The following RFT1 variants were observed in gnomAD, a reference collection of about 807,000 sequenced individuals.
RFT1 encodes the protein RFT1 glycolipid translocator homolog.
Under a neutral mutation model 62.2 loss-of-function variants are expected in RFT1, and 43 were observed. That is an observed-to-expected ratio of 0.69 (90% CI 0.54 to 0.89). The LOEUF (loss-of-function observed/expected upper bound fraction) is 0.89, where lower values mean the gene tolerates loss of function less well. Ranked by LOEUF, RFT1 falls within the 40% of genes least tolerant of loss-of-function variation. The pLI is 0.00. For missense variants in RFT1, 605 were observed against 649.9 expected (o/e 0.93, Z 0.75); for synonymous variants, 262 against 264.6 (o/e 0.99, Z 0.10).
chr3:53,100,435 T>C (rs1195436821), intron 10 of RFT1, among the ~76,000 whole-genome samples: 1 of 152,196 alleles, frequency 6.6e-6, no homozygotes, highest in Non-Finnish European at 1.5e-5. Context: ...CCCCTAGGTA[T>C]ATATCCAACA....
chr3:53,091,845 A>G lies in RFT1; in HGVS notation c.*58T>C. On this transcript the variant is annotated 3_prime_UTR_variant, in exon 13 of 13. Transcript: ENST00000296292. ...GGGGCTCTTACACAGAATGTGTTCC[A>G]CCCACAGAACTACCCATAGCTGGTC... 1 of 1,576,222 alleles carries G rather than the reference A, an allele frequency of 6.3e-7. No individual in the cohort carries two copies. The highest frequency in any genetic ancestry group is 1.1e-5 in the South Asian group (1 of 90,052).
chr3:53,115,951 A>G (rs911337574), intron 6 of RFT1, among the ~76,000 whole-genome samples: 3 of 152,270 alleles, frequency 2.0e-5, no homozygotes, highest in Non-Finnish European at 2.9e-5. Context: ...ATAATGTTTA[A>G]TACATGCTTG....
At chr3:53,082,047 G>C in the RFT1 span, among the ~76,000 whole-genome samples, 1 of 152,138 alleles carries the variant, frequency 6.6e-6, no homozygotes, top group Non-Finnish European at 1.5e-5. Flanking sequence ...GGGCTCCAGT[G>C]ATCTTCCCGC....
At chr3:53,108,861 G>A (rs1336988964) in intron 7 of RFT1, among the ~76,000 whole-genome samples, 1 of 151,908 alleles carries the variant, frequency 6.6e-6, no homozygotes, top group Non-Finnish European at 1.5e-5. Context: ...TAGAGATGGG[G>A]TTTCACTGTG....
In RFT1 at chr3:53,102,792, G is replaced by A. The variant is rs557609994; in HGVS notation, c.1102+1161C>T. ...ACACAACTGGGGACAGCAGTGTTGC[G>A]AGTTCCACTTTCAAAACTAAGATGA... On this transcript the variant is annotated intron_variant, in intron 10 of 12. Transcript: ENST00000296292. 1.5e-3 allele frequency among the ~76,000 whole-genome samples: 231 copies of A among 152,290 alleles called. 2 individuals carry two copies. The highest frequency in any genetic ancestry group is 5.4e-3 in the African/African-American group (226 of 41,554).
At chr3:53,076,450 CAG>C in the RFT1 span, among the ~76,000 whole-genome samples, 1 of 152,070 alleles carries the variant, frequency 6.6e-6, no homozygotes, top group Non-Finnish European at 1.5e-5. Context: ...ATAAAAAAGA[CAG>C]ATAATTATAG....
At chr3:53,129,708 C>T (rs933542119) in intron 1 of RFT1, among the ~76,000 whole-genome samples, 6 of 152,166 alleles carry the variant, frequency 3.9e-5, no homozygotes. Flanking sequence ...ATCACATAAA[C>T]AGAAGATGCA....
intron 1 of RFT1, 146 bp downstream of exon 1, chr3:53,130,192 G>A (rs948898065): frequency 2.5e-6 from 2 of 808,996 alleles, no homozygotes; most frequent in Non-Finnish European, 4.2e-6. Flanking sequence ...CAATGCCACC[G>A]TCTCCGGTCG....
At chr3:53,122,679 A>G in intron 3 of RFT1, 116 bp from the exon 4 acceptor site, 1 of 573,682 alleles carries the variant, frequency 1.7e-6, no homozygotes, top group Non-Finnish European at 2.6e-6. Flanking sequence ...CCATTTATTT[A>G]TAAGATACTA....
the RFT1 span, among the ~76,000 whole-genome samples, chr3:53,070,230 A>G: frequency 1.3e-5 from 2 of 152,024 alleles, no homozygotes; most frequent in Non-Finnish European, 2.9e-5. Flanking sequence ...AGTGTGGACA[A>G]CATAGTGAGA....
intron 7 of RFT1, among the ~76,000 whole-genome samples, chr3:53,111,112 AT>A (rs1191014348): frequency 2.6e-5 from 4 of 152,218 alleles, no homozygotes; most frequent in Admixed American, 2.6e-4. Flanking sequence ...ATATAAATAA[AT>A]GATATAAAAT....
At position 53,103,251 on chromosome 3, in the gene RFT1, G is replaced by A. The variant is rs1326131852; in HGVS notation, c.1102+702C>T. 11 of 985,388 alleles carry A rather than the reference G, an allele frequency of 1.1e-5. No homozygotes were observed. The South Asian group carries it at 4.2e-4, about 38-fold the overall frequency. The allele number at this position is 985,388 out of a possible 1,614,324, so 61.0% of individuals were successfully genotyped here. On this transcript the variant is annotated intron_variant, in intron 10 of 12. Transcript: ENST00000296292. Reference sequence around the variant, plus strand: ...GGGGCAGCAGAAAGAAGTCCTCAGCGTTCTTGTCCAGCGACCTGAGAAATT... The same window carrying A: ...GGGGCAGCAGAAAGAAGTCCTCAGCATTCTTGTCCAGCGACCTGAGAAATT...
At chr3:53,114,628 C>T (rs985860451) in intron 6 of RFT1, among the ~76,000 whole-genome samples, 3 of 152,010 alleles carry the variant, frequency 2.0e-5, no homozygotes, top group Non-Finnish European at 2.9e-5. Flanking sequence ...TCACTTGGGG[C>T]GGTCAAAAGA....
chr3:53,102,703 C>G (rs1431125618), intron 10 of RFT1, among the ~76,000 whole-genome samples: 1 of 152,236 alleles, frequency 6.6e-6, no homozygotes, highest in Non-Finnish European at 1.5e-5. Flanking sequence ...AGTCCCACAT[C>G]TGGAGATGGC....
In RFT1 at chr3:53,120,003, G is replaced by T. The variant is rs35728451; in HGVS notation, c.577C>A (p.Leu193Met). ...AAATAAATAACATAGCAGAGCACCA[G>T]AACTGTGGTATAGAAAAGCTGAGAA... ...SLAQLFYTTV[L>M]VLCYVIYFTK... The change falls in exon 6 of 13, where the codon CTG becomes ATG. Residue 193 changes from leucine (L) to methionine (M), a missense_variant. Physicochemically the swap from Leu to Met is conservative, Grantham distance 15. Coordinates refer to ENST00000296292, the MANE Select transcript of RFT1 (RefSeq NM_052859.4). 1 of 1,601,036 alleles carries T rather than the reference G, an allele frequency of 6.2e-7. No homozygotes were observed. The highest frequency in any genetic ancestry group is 1.1e-5 in the South Asian group (1 of 88,472).
chr3:53,099,286 T>C (rs1701241881), intron 11 of RFT1, 95 bp downstream of exon 11: 1 of 994,270 alleles, frequency 1.0e-6, no homozygotes, highest in Non-Finnish European at 1.6e-6. Context: ...CAGCCATCTG[T>C]AAATGCATGT....
intron 11 of RFT1, among the ~76,000 whole-genome samples, chr3:53,094,432 C>T (rs1264424209): frequency 6.6e-6 from 1 of 151,922 alleles, no homozygotes; most frequent in African/African-American, 2.4e-5. Context: ...GTGCTTTCAT[C>T]CGGAGTTCCA....
chr3:53,081,408 T>C, the RFT1 span, among the ~76,000 whole-genome samples: 1 of 152,104 alleles, frequency 6.6e-6, no homozygotes, highest in Non-Finnish European at 1.5e-5. Context: ...GGGAGAGAAC[T>C]ACCTCGGCAC....
chr3:53,070,397 T>TG, the RFT1 span, among the ~76,000 whole-genome samples: 1 of 132,358 alleles, frequency 7.6e-6, no homozygotes. Flanking sequence ...ATTATGGTTT[T>TG]TTTTTTTTTT....
Sources: allele counts gnomAD v4.1 joint callset (sites outside exome capture counted in the v4.1 genomes callset), GRCh38; gene constraint gnomAD v4.1.1; transcripts MANE v1.5; gene names NCBI Gene and HGNC (gene_info 2026-07-23, HGNC 2026-07-21).